Variants in RIBC2 observed in about 807,000 individuals in gnomAD.
RIBC2 encodes the protein RIB43A domain with coiled-coils 2, also known as RIB43A-like with coiled-coils protein 2.
RIBC2 carries 40 observed loss-of-function variants against 44.3 expected under a neutral mutation model. The ratio of observed to expected loss-of-function variants is 0.90; its 90% CI spans 0.70 to 1.18. The LOEUF is 1.18. Ranked by LOEUF, RIBC2 falls within the 50% of genes most tolerant of loss-of-function variation. RIBC2 has a pLI of 0.00. For synonymous variants in RIBC2, 171 were observed against 175.0 expected (o/e 0.98, Z 0.18); for missense variants, 459 against 485.5 (o/e 0.95, Z 0.51).
chr22:45,423,210 T>C (rs1397333924), intron 4 of RIBC2, among the ~76,000 whole-genome samples: 1 of 152,038 alleles, frequency 6.6e-6, no homozygotes, highest in Non-Finnish European at 1.5e-5. Flanking sequence ...CTCAAACTCC[T>C]GAGCTCAAGC....
At chr22:45,428,280 T>C (rs1460653113) in intron 5 of RIBC2, among the ~76,000 whole-genome samples, 1 of 152,134 alleles carries the variant, frequency 6.6e-6, no homozygotes, top group Non-Finnish European at 1.5e-5. Flanking sequence ...CGAATGGAGA[T>C]GGCACATGCA....
chr22:45,432,118 G>A (rs895003866), intron 6 of RIBC2, among the ~76,000 whole-genome samples, 166 bp from the exon 7 acceptor site: 10 of 152,060 alleles, frequency 6.6e-5, no homozygotes, highest in Admixed American at 2.0e-4. Context: ...GCTGAGGAGC[G>A]GTTGAGATGG....
intron 3 of RIBC2, among the ~76,000 whole-genome samples, chr22:45,420,477 G>T (rs192829117): frequency 2.2e-4 from 34 of 152,254 alleles, no homozygotes; most frequent in Admixed American, 2.2e-3. Flanking sequence ...CTCCCAAGTG[G>T]TCTAAATTTC....
chr22:45,420,926 G>A (rs764971081), intron 3 of RIBC2, among the ~76,000 whole-genome samples: 2 of 152,176 alleles, frequency 1.3e-5, no homozygotes, highest in Non-Finnish European at 2.9e-5. Context: ...GCCAGGTGCA[G>A]TGGTTCACAC....
chr22:45,428,816 T>A lies in RIBC2; in HGVS notation c.904-2084T>A, dbSNP rs1377340480. Among the ~76,000 whole-genome samples, 5 of 152,266 alleles carry A rather than the reference T, an allele frequency of 3.3e-5. No individual in the cohort carries two copies. The East Asian group carries it at 9.7e-4, about 29-fold the overall frequency. The stretch of plus-strand genomic sequence containing the variant: ...GGCCCACTAGGGGGTCATAGTCAGA[T>A]GACTGGGTCACCCCATAGGTCTGGG... On this transcript the variant is annotated intron_variant, in intron 5 of 6. Coordinates refer to ENST00000614167, the MANE Select transcript of RIBC2 (RefSeq NM_015653.5).
intron 1 of RIBC2, 62 bp downstream of exon 1, chr22:45,414,077 G>T: frequency 6.5e-7 from 1 of 1,540,748 alleles, no homozygotes; most frequent in East Asian, 2.5e-5. Flanking sequence ...GCTGCGTGGA[G>T]GGGGAAAGGA....
intron 5 of RIBC2, among the ~76,000 whole-genome samples, chr22:45,430,077 G>A (rs1362483042): frequency 6.6e-6 from 1 of 152,148 alleles, no homozygotes; most frequent in Non-Finnish European, 1.5e-5. Flanking sequence ...GCTTTACAGC[G>A]GGGGACACTG....
chr22:45,415,174 A>T (rs377523973), intron 2 of RIBC2, among the ~76,000 whole-genome samples: 1 of 148,762 alleles, frequency 6.7e-6, no homozygotes, highest in Non-Finnish European at 1.5e-5. Flanking sequence ...ACAAAGCGAG[A>T]CCCCATCTCT....
chr22:45,432,176 G>T (rs2087586023), intron 6 of RIBC2, 108 bp from the exon 7 acceptor site: 2 of 624,916 alleles, frequency 3.2e-6, no homozygotes, highest in African/African-American at 1.9e-5. Context: ...TGTATTTTGG[G>T]GATAACACAC....
chr22:45,425,876 T>A, intron 4 of RIBC2, 72 bp from the exon 5 acceptor site: 2 of 1,337,418 alleles, frequency 1.5e-6, no homozygotes. Flanking sequence ...CCCAGTGAGA[T>A]TTGCTGGCCT....
intron 3 of RIBC2, among the ~76,000 whole-genome samples, chr22:45,418,435 T>C (rs974848890): frequency 6.6e-6 from 1 of 152,070 alleles, no homozygotes; most frequent in South Asian, 2.1e-4. Flanking sequence ...GGGCAAAGGC[T>C]CCAAGGCATG....
intron 3 of RIBC2, among the ~76,000 whole-genome samples, chr22:45,420,793 C>T (rs1024943958): frequency 6.6e-6 from 1 of 152,174 alleles, no homozygotes; most frequent in Admixed American, 6.5e-5. Flanking sequence ...TGATGCAAGC[C>T]ACCATCTCAG....
intron 5 of RIBC2, among the ~76,000 whole-genome samples, chr22:45,429,761 C>T (rs184095922): frequency 6.6e-5 from 10 of 152,162 alleles, no homozygotes; most frequent in South Asian, 2.1e-4. Flanking sequence ...GGAGATCGGC[C>T]GGCCATCCTG....
At chr22:45,424,131 C>A (rs565217153) in intron 4 of RIBC2, among the ~76,000 whole-genome samples, 1 of 152,214 alleles carries the variant, frequency 6.6e-6, no homozygotes, top group East Asian at 1.9e-4. Context: ...CGGCTCCTCA[C>A]GTGGATGCCA....
intron 4 of RIBC2, among the ~76,000 whole-genome samples, chr22:45,423,095 C>T (rs1031923670): frequency 1.3e-5 from 2 of 152,144 alleles, no homozygotes; most frequent in Non-Finnish European, 2.9e-5. Flanking sequence ...GATCCCCCCA[C>T]CTGAGCCATC....
At chr22:45,420,152 T>C (rs1170547776) in intron 3 of RIBC2, among the ~76,000 whole-genome samples, 1 of 152,186 alleles carries the variant, frequency 6.6e-6, no homozygotes, top group African/African-American at 2.4e-5. Flanking sequence ...TCTGGCCTTA[T>C]CTCCTGCTAT....
intron 5 of RIBC2, among the ~76,000 whole-genome samples, chr22:45,428,305 G>A (rs1417847222): frequency 2.0e-5 from 3 of 152,232 alleles, no homozygotes; most frequent in Non-Finnish European, 2.9e-5. Context: ...GCACTTACAA[G>A]GCGTTTGCTG....
At chr22:45,429,626 G>A (rs1482261152) in intron 5 of RIBC2, among the ~76,000 whole-genome samples, 1 of 152,064 alleles carries the variant, frequency 6.6e-6, no homozygotes, top group Non-Finnish European at 1.5e-5. Flanking sequence ...GCCGGGACCT[G>A]GGCAGGCAGG....
chr22:45,414,277 A>C, intron 1 of RIBC2, 45 bp from the exon 2 acceptor site: 2 of 1,523,992 alleles, frequency 1.3e-6, no homozygotes, highest in Non-Finnish European at 8.8e-7. Flanking sequence ...TTACTGAATA[A>C]AATGATCTGG....
Sources: gnomAD v4.1 joint callset for allele counts (sites outside exome capture counted in the v4.1 genomes callset) on GRCh38, gnomAD v4.1.1 for gene constraint, MANE v1.5 for transcripts, NCBI Gene and HGNC (gene_info 2026-07-23, HGNC 2026-07-21) for gene names.